FER: variants seen among roughly 807,000 people sequenced by gnomAD.
The protein encoded by FER is FER tyrosine kinase.
In FER, 63 loss-of-function variants were observed where a neutral mutation model predicts 111.0. That is an observed-to-expected ratio of 0.57 (90% CI 0.46 to 0.70). The LOEUF is 0.70. FER is among the 30% of genes least tolerant of loss of function. The pLI is 0.00. For synonymous variants in FER, 327 were observed against 313.9 expected, an observed-to-expected ratio of 1.04 and a Z score of -0.44; for missense variants, 914 against 954.0, an observed-to-expected ratio of 0.96 and a Z score of 0.55.
At chr5:109,075,032 A>G (rs1445507489) in intron 16 of FER, among the ~76,000 whole-genome samples, 1 of 152,226 alleles carries the variant, frequency 6.6e-6, no homozygotes, top group East Asian at 1.9e-4. Flanking sequence ...AATTTAATAA[A>G]ATCAGTTTTT....
At chr5:108,969,588 C>G (rs959938628) in intron 13 of FER, among the ~76,000 whole-genome samples, 2 of 151,622 alleles carry the variant, frequency 1.3e-5, no homozygotes, top group African/African-American at 4.9e-5. Context: ...AAACTTTTTA[C>G]TTGTTATATT....
rs138212056 is a variant in FER, at chr5:109,018,097, T to A, written c.1657-19325T>A. On this transcript the variant is annotated intron_variant, in intron 13 of 19. Transcript: ENST00000281092. ...TAGTTAGAATGCCTAGTCAAATGACTTAATACTTTGGATTTTTTACTTCTA... is the reference window on the plus strand; with the variant it reads ...TAGTTAGAATGCCTAGTCAAATGACATAATACTTTGGATTTTTTACTTCTA... 1.6e-4 allele frequency among the ~76,000 whole-genome samples: 25 copies of A among 152,034 alleles called. No homozygotes were observed. In the East Asian group the frequency reaches 4.8e-3, roughly 29 times the overall value.
intron 18 of FER, among the ~76,000 whole-genome samples, chr5:109,185,796 G>A (rs760647771): frequency 4.6e-5 from 7 of 152,276 alleles, no homozygotes; most frequent in South Asian, 2.1e-4. Flanking sequence ...GTCATGTATC[G>A]CTTAATGACA....
At chr5:109,024,274 C>T (rs987682777) in intron 13 of FER, among the ~76,000 whole-genome samples, 5 of 152,180 alleles carry the variant, frequency 3.3e-5, no homozygotes, top group African/African-American at 1.2e-4. Flanking sequence ...TAATACTCCT[C>T]AGATGCCTCT....
intron 14 of FER, among the ~76,000 whole-genome samples, chr5:109,041,483 G>C (rs1345727805): frequency 6.6e-6 from 1 of 151,982 alleles, no homozygotes; most frequent in Admixed American, 6.6e-5. Flanking sequence ...AAGTAAGCTA[G>C]AAAGATAGAA....
At chr5:109,028,791 G>A (rs924876492) in intron 13 of FER, among the ~76,000 whole-genome samples, 2 of 152,164 alleles carry the variant, frequency 1.3e-5, no homozygotes, top group Admixed American at 6.6e-5. Context: ...GAATTGTATG[G>A]CTAAGTCTTT....
In FER at chr5:108,954,783, C is replaced by T; in HGVS notation, c.1384C>T (p.His462Tyr). The T allele has an allele frequency of 1.2e-6, 2 of 1,611,668 alleles. No individual in the cohort carries two copies. The highest frequency in any genetic ancestry group is 1.7e-6 in the Non-Finnish European group (2 of 1,178,870). The change falls in exon 12 of 20, where the codon CAT becomes TAT. Residue 462 changes from histidine to tyrosine, a missense_variant. This residue lies in a region of FER where 774 missense variants were observed against 782.6 expected (regional missense o/e 0.99). Transcript: ENST00000281092. Reference sequence around the variant, plus strand: ...GCCTTTGGCAGAACAGGACTGGTACCATGGTGCAATTCCCAGAATAGAAGC... The same window carrying T: ...GCCTTTGGCAGAACAGGACTGGTACTATGGTGCAATTCCCAGAATAGAAGC... The part of the protein sequence containing the change: ...EKPLAEQDWY[H>Y]GAIPRIEAQE...
At chr5:109,011,208 A>G (rs1372600134) in intron 13 of FER, among the ~76,000 whole-genome samples, 1 of 152,060 alleles carries the variant, frequency 6.6e-6, no homozygotes, top group East Asian at 1.9e-4. Flanking sequence ...AAATTCTTCT[A>G]AGACTTAAAA....
At chr5:108,953,941 G>C (rs1274423827) in intron 11 of FER, among the ~76,000 whole-genome samples, 1 of 152,022 alleles carries the variant, frequency 6.6e-6, no homozygotes, top group East Asian at 1.9e-4. Flanking sequence ...GAAAATGTGT[G>C]ATTTAATCTA....
chr5:109,075,484 C>T (rs1444858853), intron 16 of FER, among the ~76,000 whole-genome samples: 5 of 143,374 alleles, frequency 3.5e-5, no homozygotes, highest in African/African-American at 7.9e-5. Flanking sequence ...GGCTGGAGGG[C>T]GCAATCTCGA....
chr5:108,957,761 T>C (rs1318375147), intron 12 of FER, among the ~76,000 whole-genome samples: 3 of 151,756 alleles, frequency 2.0e-5, no homozygotes, highest in Admixed American at 6.6e-5. Flanking sequence ...TGCCAGTACA[T>C]GTACCATATA....
intron 10 of FER, among the ~76,000 whole-genome samples, chr5:108,925,574 C>G (rs1279048504): frequency 6.6e-6 from 1 of 152,028 alleles, no homozygotes; most frequent in Non-Finnish European, 1.5e-5. Context: ...TTATTTAATG[C>G]CTCTCTTTTT....
intron 13 of FER, among the ~76,000 whole-genome samples, chr5:108,973,523 T>C (rs984863096): frequency 6.6e-6 from 1 of 152,152 alleles, no homozygotes; most frequent in African/African-American, 2.4e-5. Context: ...TAACAATTTG[T>C]ATATATTAAA....
At chr5:108,844,639 C>T (rs1761694377) in intron 5 of FER, among the ~76,000 whole-genome samples, 1 of 151,836 alleles carries the variant, frequency 6.6e-6, no homozygotes, top group Non-Finnish European at 1.5e-5. Flanking sequence ...TTTTGTAATC[C>T]CTGTCTTCCA....
At chr5:108,917,089 A>G (rs2149541571) in intron 10 of FER, among the ~76,000 whole-genome samples, 1 of 152,280 alleles carries the variant, frequency 6.6e-6, no homozygotes, top group East Asian at 1.9e-4. Context: ...ATAAAATAAT[A>G]ATGACAATCC....
chr5:108,936,118 A>G (rs1394396211), intron 10 of FER, among the ~76,000 whole-genome samples: 1 of 152,028 alleles, frequency 6.6e-6, no homozygotes, highest in African/African-American at 2.4e-5. Flanking sequence ...ATCACTTAGT[A>G]TTTCTAGGGC....
At chr5:108,871,632 A>G in intron 7 of FER, 130 bp downstream of exon 7, 1 of 606,844 alleles carries the variant, frequency 1.6e-6, no homozygotes, top group Non-Finnish European at 2.5e-6. Context: ...ATATTAATTT[A>G]TCTGCTTTTA....
At chr5:108,961,556 C>T (rs546356895) in intron 13 of FER, among the ~76,000 whole-genome samples, 7 of 152,118 alleles carry the variant, frequency 4.6e-5, no homozygotes, top group East Asian at 1.9e-4. Context: ...GAAATTAAAT[C>T]GTTATATGTG....
intron 2 of FER, among the ~76,000 whole-genome samples, chr5:108,772,318 A>G (rs1255513993): frequency 7.2e-6 from 1 of 138,392 alleles, no homozygotes; most frequent in Non-Finnish European, 1.6e-5. Context: ...ATATATATGT[A>G]TGTATATATA....
Sources: allele counts gnomAD v4.1 joint callset (sites outside exome capture counted in the v4.1 genomes callset), GRCh38; gene constraint gnomAD v4.1.1; regional missense constraint gnomAD v4.1.1; transcripts MANE v1.5; gene names NCBI Gene and HGNC (gene_info 2026-07-23, HGNC 2026-07-21).